The following OSBPL8 variants were observed in gnomAD, a reference collection of about 807,000 sequenced individuals.
OSBPL8 encodes the protein oxysterol-binding protein-related protein 8.
In OSBPL8, 59 loss-of-function variants were observed where a neutral mutation model predicts 125.5. That is an observed-to-expected ratio of 0.47 (90% CI 0.38 to 0.58). The LOEUF (loss-of-function observed/expected upper bound fraction) is 0.58. Among genes scored for constraint, OSBPL8 ranks in the 20% least tolerant of loss-of-function variants. The probability of loss-of-function intolerance (pLI) is 0.00; values close to 1 mark genes in which losing one functional copy is unlikely to be tolerated. For missense variants in OSBPL8, 758 were observed against 1,047.8 expected, an observed-to-expected ratio of 0.72 and a Z score of 3.82; for synonymous variants, 330 against 338.9, an observed-to-expected ratio of 0.97 and a Z score of 0.29.
chr12:76,492,462 G>C (rs538162200), intron 1 of OSBPL8, among the ~76,000 whole-genome samples: 3 of 152,302 alleles, frequency 2.0e-5, no homozygotes, highest in South Asian at 2.1e-4. Flanking sequence ...GACTGATACG[G>C]GTCTGTGGCC....
chr12:76,360,100 C>T (rs1952141380), intron 21 of OSBPL8, among the ~76,000 whole-genome samples: 1 of 152,162 alleles, frequency 6.6e-6, no homozygotes. Flanking sequence ...AGTCCAAAAT[C>T]TCATCTGAGA....
intron 5 of OSBPL8, among the ~76,000 whole-genome samples, chr12:76,407,931 C>T (rs1358219359): frequency 1.3e-5 from 2 of 152,008 alleles, no homozygotes; most frequent in African/African-American, 4.8e-5. Context: ...TCAGTTTGTT[C>T]ATTCATAAAA....
Position 76,356,606 on chromosome 12 carries a change from C to T in OSBPL8, c.2537+20G>A, listed in dbSNP as rs768572865. On this transcript the variant is annotated intron_variant, in intron 23 of 23. Coordinates refer to ENST00000261183, the MANE Select transcript of OSBPL8 (RefSeq NM_020841.5). ...TACTCCTTGGTCTCAAATGAATAGTCAGTGTCATTATATTATTACCTTTTA... is the reference window on the plus strand; with the variant it reads ...TACTCCTTGGTCTCAAATGAATAGTTAGTGTCATTATATTATTACCTTTTA... The T allele has an allele frequency of 2.1e-6, 3 of 1,449,908 alleles. No individual in the cohort carries two copies. Among genetic ancestry groups the T allele is most frequent in the South Asian group, 1.2e-5 (1 of 84,710 alleles). 89.8% of individuals were successfully genotyped at this position (1,449,908 alleles called of 1,614,324 possible).
chr12:76,535,789 T>C (rs1171786189), intron 1 of OSBPL8, among the ~76,000 whole-genome samples: 1 of 152,202 alleles, frequency 6.6e-6, no homozygotes, highest in African/African-American at 2.4e-5. Flanking sequence ...ACATACTCTA[T>C]GATTCCGTTC....
intron 4 of OSBPL8, among the ~76,000 whole-genome samples, chr12:76,435,148 A>G (rs958900705): frequency 1.4e-5 from 2 of 139,332 alleles, no homozygotes; most frequent in Non-Finnish European, 3.0e-5. Context: ...GTTTGTGTAT[A>G]TATCTACGTG....
chr12:76,517,591 C>G (rs1384567663), intron 1 of OSBPL8, among the ~76,000 whole-genome samples: 1 of 152,154 alleles, frequency 6.6e-6, no homozygotes, highest in East Asian at 1.9e-4. Flanking sequence ...AATCAAAATT[C>G]CGTTATGTAC....
At chr12:76,357,268 T>C (rs1952021959) in intron 22 of OSBPL8, among the ~76,000 whole-genome samples, 2 of 152,174 alleles carry the variant, frequency 1.3e-5, no homozygotes, top group Non-Finnish European at 2.9e-5. Context: ...CTTTCTCATT[T>C]TAAAAATAGG....
rs768116600 is a variant in OSBPL8 at position 76,356,663 on chromosome 12, T to C, written c.2500A>G (p.Ile834Val). ...GIELGDIQSS[I>V]ESIKQTQEEI... ...TCCTGTGTTTGTTTTATAGATTCGATGGAACTCTGAATGTCTCCCAGTTCT... is the reference window on the plus strand; with the variant it reads ...TCCTGTGTTTGTTTTATAGATTCGACGGAACTCTGAATGTCTCCCAGTTCT... Residue 834 changes from isoleucine to valine, a missense_variant, in exon 23 of 24, where the codon ATC becomes GTC. Ile to Val is a conservative substitution (Grantham distance 29). This residue lies in a region of OSBPL8 where 572 missense variants were observed against 762.0 expected (regional missense o/e 0.75). Coordinates refer to ENST00000261183, the MANE Select transcript of OSBPL8 (RefSeq NM_020841.5). 5.6e-6 allele frequency: 9 copies of C among 1,610,674 alleles called. No individual in the cohort carries two copies. In the Admixed American group the frequency reaches 1.3e-4, roughly 24 times the overall value.
At chr12:76,548,839 G>A (rs770753820) in intron 1 of OSBPL8, among the ~76,000 whole-genome samples, 2 of 151,956 alleles carry the variant, frequency 1.3e-5, no homozygotes, top group Non-Finnish European at 2.9e-5. Flanking sequence ...AACCATGAAT[G>A]GACAACCAAG....
At chr12:76,541,788 G>A (rs1276774726) in intron 1 of OSBPL8, among the ~76,000 whole-genome samples, 1 of 149,132 alleles carries the variant, frequency 6.7e-6, no homozygotes, top group Non-Finnish European at 1.5e-5. Context: ...CCCGGGAGGT[G>A]GAGGCTGCAG....
At chr12:76,407,807 A>G (rs575719934) in intron 5 of OSBPL8, among the ~76,000 whole-genome samples, 1 of 152,228 alleles carries the variant, frequency 6.6e-6, no homozygotes, top group African/African-American at 2.4e-5. Flanking sequence ...TCTGCACCAC[A>G]GTCTGGGAGG....
rs374884641 is a variant in OSBPL8 at position 76,358,754 on chromosome 12, C to A, written c.2386G>T (p.Gly796Cys). The change falls in exon 22 of 24, where the codon GGC becomes TGC. Residue 796 changes from glycine (G) to cysteine (C), a missense_variant. Physicochemically the swap from Gly to Cys is radical, Grantham distance 159. Transcript: ENST00000261183. ...ATGTCAGGTTCTGGGGAGGAATAGCCTTTTGCTACTTTCTTCTGTTGCCTG... is the reference window on the plus strand; with the variant it reads ...ATGTCAGGTTCTGGGGAGGAATAGCATTTTGCTACTTTCTTCTGTTGCCTG... ...PTRQQKKVAK[G>C]YSSPEPDIQD... 3 of 1,613,872 alleles carry A rather than the reference C, an allele frequency of 1.9e-6. No individual in the cohort carries two copies. Among genetic ancestry groups the A allele is most frequent in the Non-Finnish European group, 1.7e-6 (2 of 1,179,972 alleles).
intron 4 of OSBPL8, among the ~76,000 whole-genome samples, chr12:76,413,077 C>G (rs964493900): frequency 1.3e-5 from 2 of 152,022 alleles, no homozygotes; most frequent in South Asian, 4.1e-4. Context: ...ATAAATTAAT[C>G]AAAAATTTAA....
intron 4 of OSBPL8, among the ~76,000 whole-genome samples, chr12:76,413,977 T>C (rs1868340850): frequency 6.6e-6 from 1 of 152,178 alleles, no homozygotes; most frequent in Admixed American, 6.5e-5. Flanking sequence ...GGTTAATGCT[T>C]TGGGGTCTTA....
intron 2 of OSBPL8, 52 bp downstream of exon 2, chr12:76,487,458 A>G: frequency 6.8e-7 from 1 of 1,480,626 alleles, no homozygotes; most frequent in Non-Finnish European, 9.1e-7. Flanking sequence ...GCTTACATCA[A>G]ACACTTCACA....
At chr12:76,373,457 C>A in intron 17 of OSBPL8, 24 bp from the exon 18 acceptor site, 1 of 1,503,084 alleles carries the variant, frequency 6.7e-7, no homozygotes, top group South Asian at 1.2e-5. Flanking sequence ...AAATGTTAAA[C>A]ATTTTACTTT....
At chr12:76,441,234 C>T (rs971632297) in intron 4 of OSBPL8, among the ~76,000 whole-genome samples, 4 of 152,066 alleles carry the variant, frequency 2.6e-5, no homozygotes, top group African/African-American at 9.7e-5. Context: ...ATACTGAATT[C>T]CCCAGGGGAT....
In OSBPL8 at chr12:76,513,744, GTT is replaced by G. The variant is rs35639287; in HGVS notation, c.-67-26128_-67-26127del. ...CTGAAATTAGGATTCTAACCCCTGG[GTT>G]TTTTTTTTTTTTTTTTTCCGGTTTT... On this transcript the variant is annotated intron_variant, in intron 1 of 23. Transcript: ENST00000261183. Among the ~76,000 whole-genome samples, 214 of 105,328 alleles carry G rather than the reference GTT, an allele frequency of 2.0e-3. 1 individual carries two copies. Among genetic ancestry groups the G allele is most frequent in the African/African-American group, 5.4e-3 (138 of 25,744 alleles). 69.1% of individuals were successfully genotyped at this position (105,328 alleles called of 152,430 possible). A position where few individuals can be genotyped will look rare whatever the true frequency, so the allele number is the denominator to read the frequency against.
chr12:76,511,924 A>G (rs1881039398), intron 1 of OSBPL8, among the ~76,000 whole-genome samples: 1 of 152,136 alleles, frequency 6.6e-6, no homozygotes, highest in South Asian at 2.1e-4. Flanking sequence ...TCCAGCTCCA[A>G]TCTTCTGCAT....
Sources: allele counts gnomAD v4.1 joint callset (sites outside exome capture counted in the v4.1 genomes callset), GRCh38; gene constraint gnomAD v4.1.1; regional missense constraint gnomAD v4.1.1; transcripts MANE v1.5; gene names NCBI Gene and HGNC (gene_info 2026-07-23, HGNC 2026-07-21).